CBFA2T3: variants seen among roughly 807,000 people sequenced by gnomAD.
The protein encoded by CBFA2T3 is CBFA2/RUNX1 partner transcriptional co-repressor 3.
CBFA2T3 carries 31 observed loss-of-function variants against 58.6 expected under a neutral mutation model. The ratio of observed to expected loss-of-function variants is 0.53; its 90% CI spans 0.40 to 0.71. The LOEUF (loss-of-function observed/expected upper bound fraction) is 0.71. CBFA2T3 is among the 30% of genes least tolerant of loss of function. The pLI is 0.00. For missense variants in CBFA2T3, 1,076 were observed against 963.1 expected (o/e 1.12, Z -1.55); for synonymous variants, 531 against 421.9 (o/e 1.26, Z -3.17).
chr16:88,949,648 A>G lies in CBFA2T3; in HGVS notation c.151+27009T>C, dbSNP rs144988757. ...GGCCCCAGCACACAAACATTGCTAC[A>G]GAGAAGAACAATACAAGCACTCAAA... On this transcript the variant is annotated intron_variant, in intron 1 of 11. Coordinates refer to ENST00000268679, the MANE Select transcript of CBFA2T3 (RefSeq NM_005187.6). Among the ~76,000 whole-genome samples the G allele has an allele frequency of 5.4e-3, 815 of 152,260 alleles. 5 individuals carry two copies. Among genetic ancestry groups the G allele is most frequent in the African/African-American group, 0.018 (761 of 41,532 alleles).
chr16:88,925,463 G>A lies in CBFA2T3; in HGVS notation c.152-23807C>T, dbSNP rs1367731669. 3.3e-5 allele frequency among the ~76,000 whole-genome samples: 5 copies of A among 152,144 alleles called. No individual in the cohort carries two copies. The East Asian group carries it at 7.7e-4, about 23-fold the overall frequency. ...CAGGGAATATTCTGCAGGGGAGGGA[G>A]GCCCTTCCTGTGCCAGGCAGCCAGA... On this transcript the variant is annotated intron_variant, in intron 1 of 11. Transcript: ENST00000268679.
chr16:88,944,786 G>C (rs2142822488), intron 1 of CBFA2T3, among the ~76,000 whole-genome samples: 2 of 152,380 alleles, frequency 1.3e-5, no homozygotes, highest in South Asian at 4.1e-4. Flanking sequence ...AAGACTCGCT[G>C]TCTGTGGGGC....
chr16:88,911,321 C>A (rs1046881237), intron 1 of CBFA2T3, among the ~76,000 whole-genome samples: 2 of 152,240 alleles, frequency 1.3e-5, no homozygotes, highest in South Asian at 2.1e-4. Context: ...TCGCCTCCCG[C>A]GCCGCTGTGT....
intron 1 of CBFA2T3, among the ~76,000 whole-genome samples, chr16:88,927,569 G>A (rs549045617): frequency 2.6e-5 from 4 of 152,196 alleles, no homozygotes; most frequent in Admixed American, 2.0e-4. Context: ...TGGGGGCCAC[G>A]CCACCCAGGT....
At chr16:88,934,258 C>A (rs1027724825) in intron 1 of CBFA2T3, among the ~76,000 whole-genome samples, 4 of 152,064 alleles carry the variant, frequency 2.6e-5, no homozygotes, top group African/African-American at 9.7e-5. Context: ...GAGGCACGGG[C>A]GAGAAGGGCT....
rs772626331 is a variant in CBFA2T3, at chr16:88,976,755, G to C, written c.53C>G (p.Thr18Ser). The change falls in exon 1 of 12, where the codon ACC becomes AGC. Residue 18 changes from threonine (T) to serine (S), a missense_variant. By Grantham distance (58) the Thr-to-Ser change is moderately conservative (BLOSUM62 1). Transcript: ENST00000268679. ...GTGCGTCTGGGACATGGAGCCACAG[G>C]TGGATCCCGAGGCTGAACTGGCTGC... ...DRAASSASGS[T>S]CGSMSQTHPV... The C allele has an allele frequency of 6.4e-7, 1 of 1,557,306 alleles. No individual in the cohort carries two copies. Among genetic ancestry groups the C allele is most frequent in the East Asian group, 2.4e-5 (1 of 41,944 alleles).
At chr16:88,887,881 C>T (rs942160171) in intron 5 of CBFA2T3, among the ~76,000 whole-genome samples, 6 of 152,298 alleles carry the variant, frequency 3.9e-5, no homozygotes, top group African/African-American at 1.2e-4. Flanking sequence ...TTTGCAATGA[C>T]GGCGGCGGTG....
chr16:88,934,023 A>C (rs1971405739), intron 1 of CBFA2T3, among the ~76,000 whole-genome samples: 1 of 152,226 alleles, frequency 6.6e-6, no homozygotes, highest in Non-Finnish European at 1.5e-5. Flanking sequence ...GGGTTAAGTA[A>C]GATTATATAT....
chr16:88,935,769 C>T (rs1207362834), intron 1 of CBFA2T3, among the ~76,000 whole-genome samples: 2 of 152,236 alleles, frequency 1.3e-5, no homozygotes, highest in Non-Finnish European at 2.9e-5. Context: ...AGGACACCAC[C>T]GGGTGTCCCC....
chr16:88,971,120 T>A (rs1315789747), intron 1 of CBFA2T3, among the ~76,000 whole-genome samples: 2 of 152,004 alleles, frequency 1.3e-5, no homozygotes, highest in African/African-American at 4.8e-5. Context: ...AATTTTCCTT[T>A]TTTTTTAAAG....
chr16:88,932,492 A>C (rs990781342), intron 1 of CBFA2T3, among the ~76,000 whole-genome samples: 8 of 151,748 alleles, frequency 5.3e-5, no homozygotes, highest in Admixed American at 6.6e-5. Flanking sequence ...AAAATTAAAA[A>C]AACAATTAGC....
At chr16:88,899,237 G>A (rs1350577554) in intron 2 of CBFA2T3, among the ~76,000 whole-genome samples, 2 of 152,248 alleles carry the variant, frequency 1.3e-5, no homozygotes, top group East Asian at 1.9e-4. Context: ...GCAGGGCTCT[G>A]CAACTGAGCT....
chr16:88,963,842 C>T (rs1042329631), intron 1 of CBFA2T3, among the ~76,000 whole-genome samples: 1 of 152,206 alleles, frequency 6.6e-6, no homozygotes, highest in Admixed American at 6.5e-5. Flanking sequence ...GGCTCGGGTC[C>T]GTGCACGTCT....
rs1189835120 is a variant in CBFA2T3, at chr16:88,885,373, G to A, written c.894-104C>T. ...AGACAGGCAAGGGCAGAGAGAAAGA[G>A]GACACGTAAGGGCGAGACAGAAACA... On this transcript the variant is annotated intron_variant, in intron 6 of 11. Transcript: ENST00000268679. The surrounding 1 kb of genome is among the most constrained non-coding windows in gnomAD (Gnocchi z 5.3). 8 of 732,248 alleles carry A rather than the reference G, an allele frequency of 1.1e-5. No homozygotes were observed. The highest frequency in any genetic ancestry group is 1.7e-5 in the Non-Finnish European group (8 of 479,212). The allele number at this position is 732,248 out of a possible 1,614,324, so 45.4% of individuals were successfully genotyped here.
intron 1 of CBFA2T3, among the ~76,000 whole-genome samples, chr16:88,959,989 A>T (rs910838492): frequency 6.6e-6 from 1 of 152,168 alleles, no homozygotes; most frequent in Non-Finnish European, 1.5e-5. Flanking sequence ...AGATTGCACC[A>T]CTGCACTCCA....
At chr16:88,915,786 C>T (rs567944047) in intron 1 of CBFA2T3, among the ~76,000 whole-genome samples, 4 of 150,612 alleles carry the variant, frequency 2.7e-5, no homozygotes, top group Admixed American at 6.6e-5. Context: ...CGAGCAGACA[C>T]GTGGGCTAGA....
chr16:88,935,273 G>C (rs966041433), intron 1 of CBFA2T3, among the ~76,000 whole-genome samples: 4 of 152,258 alleles, frequency 2.6e-5, no homozygotes, highest in African/African-American at 9.6e-5. Flanking sequence ...TCTGAGTACA[G>C]GCTGGGCTGG....
intron 1 of CBFA2T3, among the ~76,000 whole-genome samples, chr16:88,919,456 G>A (rs966854115): frequency 4.6e-5 from 7 of 152,220 alleles, no homozygotes; most frequent in African/African-American, 1.7e-4. Flanking sequence ...CAGGGAACAA[G>A]CACTCTATTT....
chr16:88,939,644 G>C (rs796642125), intron 1 of CBFA2T3: 1 of 152,342 alleles, frequency 6.6e-6, no homozygotes, highest in African/African-American at 2.4e-5. Context: ...TCTGGCCCCT[G>C]TGGAAGTATC....
Sources: gnomAD v4.1 joint callset for allele counts (sites outside exome capture counted in the v4.1 genomes callset) on GRCh38, gnomAD v4.1.1 for gene constraint, Gnocchi (gnomAD v3.1) non-coding constraint, MANE v1.5 for transcripts, NCBI Gene and HGNC (gene_info 2026-07-23, HGNC 2026-07-21) for gene names.